Variants in GPC5 observed in about 807,000 individuals in gnomAD.
GPC5 encodes the protein glypican 5.
A neutral mutation model predicts 53.9 loss-of-function variants in GPC5; 47 were observed. That is an observed-to-expected ratio of 0.87 (90% CI 0.69 to 1.11). The LOEUF is 1.11. Among genes scored for constraint, GPC5 ranks in the 50% most tolerant of loss-of-function variants. The pLI is 0.00. For missense variants in GPC5, 748 were observed against 713.1 expected, an observed-to-expected ratio of 1.05 and a Z score of -0.56; for synonymous variants, 286 against 263.3, an observed-to-expected ratio of 1.09 and a Z score of -0.84.
intron 1 of GPC5, among the ~76,000 whole-genome samples, chr13:91,404,143 A>G (rs768491514): frequency 6.6e-6 from 1 of 152,152 alleles, no homozygotes; most frequent in Non-Finnish European, 1.5e-5. Context: ...GTGTACATGT[A>G]TGTGTGTGTG....
intron 7 of GPC5, among the ~76,000 whole-genome samples, chr13:92,714,048 G>A (rs940015752): frequency 1.3e-5 from 2 of 152,098 alleles, no homozygotes; most frequent in African/African-American, 4.8e-5. Flanking sequence ...ATTTCTTGTT[G>A]GTGAACTGAA....
intron 7 of GPC5, among the ~76,000 whole-genome samples, chr13:92,719,001 T>A (rs1399114007): frequency 6.6e-6 from 1 of 152,074 alleles, no homozygotes; most frequent in Non-Finnish European, 1.5e-5. Flanking sequence ...CTGATGTGAT[T>A]ATTATGCATT....
chr13:92,813,895 T>TA (rs1877376466), intron 7 of GPC5, among the ~76,000 whole-genome samples: 1 of 152,022 alleles, frequency 6.6e-6, no homozygotes, highest in African/African-American at 2.4e-5. Context: ...AAGCACATTC[T>TA]AAAATTAATA....
intron 6 of GPC5, among the ~76,000 whole-genome samples, chr13:91,973,881 T>A (rs2040269404): frequency 6.6e-6 from 1 of 152,154 alleles, no homozygotes; most frequent in African/African-American, 2.4e-5. Context: ...GTGTGAGGTG[T>A]CAGTCTGCCC....
At chr13:92,105,875 C>G (rs1349925605) in intron 6 of GPC5, among the ~76,000 whole-genome samples, 5 of 152,080 alleles carry the variant, frequency 3.3e-5, no homozygotes, top group African/African-American at 1.2e-4. Flanking sequence ...CTTTTTCGGG[C>G]TCTCAATGCT....
chr13:92,069,242 AC>A, intron 6 of GPC5, among the ~76,000 whole-genome samples: 1 of 152,238 alleles, frequency 6.6e-6, no homozygotes, highest in East Asian at 1.9e-4. Flanking sequence ...CTATGCTAAA[AC>A]AAACAACACT....
intron 6 of GPC5, among the ~76,000 whole-genome samples, chr13:92,042,476 C>T (rs2040949389): frequency 6.6e-6 from 1 of 151,684 alleles, no homozygotes. Flanking sequence ...TACCTGGATC[C>T]CTAAGAGGTA....
At chr13:92,559,577 ATTC>A (rs1882626726) in intron 7 of GPC5, among the ~76,000 whole-genome samples, 1 of 151,562 alleles carries the variant, frequency 6.6e-6, no homozygotes, top group Admixed American at 6.6e-5. Flanking sequence ...AACAGGCAAT[ATTC>A]TTTTGCTTGA....
At chr13:92,636,219 G>A (rs1009756632) in intron 7 of GPC5, among the ~76,000 whole-genome samples, 1 of 152,040 alleles carries the variant, frequency 6.6e-6, no homozygotes, top group African/African-American at 2.4e-5. Context: ...AAGAAATCAA[G>A]TTATAAAAAT....
chr13:91,916,262 A>G (rs189653167), intron 6 of GPC5, among the ~76,000 whole-genome samples: 1 of 152,326 alleles, frequency 6.6e-6, no homozygotes, highest in Non-Finnish European at 1.5e-5. Context: ...AATGTTAACC[A>G]TTATGACCCA....
intron 2 of GPC5, among the ~76,000 whole-genome samples, chr13:91,510,198 A>G (rs546047808): frequency 3.9e-5 from 6 of 152,320 alleles, no homozygotes; most frequent in East Asian, 1.9e-4. Context: ...TATAAATACA[A>G]TAATCATAGC....
At chr13:92,042,873 AATGACAATGTC>A (rs1393053854) in intron 6 of GPC5, among the ~76,000 whole-genome samples, 4 of 152,226 alleles carry the variant, frequency 2.6e-5, no homozygotes, top group Admixed American at 6.5e-5. Flanking sequence ...AAGGAAGTCT[AATGACAATGTC>A]TCATCAAATG....
At chr13:91,779,243 T>A (rs2037758540) in intron 5 of GPC5, among the ~76,000 whole-genome samples, 1 of 152,244 alleles carries the variant, frequency 6.6e-6, no homozygotes, top group Non-Finnish European at 1.5e-5. Flanking sequence ...CACTTTTACA[T>A]TTTTTAACTT....
chr13:92,808,473 G>A (rs116875045), intron 7 of GPC5, among the ~76,000 whole-genome samples: 1,743 of 152,150 alleles, frequency 0.011, 17 homozygotes, highest in South Asian at 0.016. Context: ...TGGTGCGGGT[G>A]CTGGTGGGGA....
intron 7 of GPC5, among the ~76,000 whole-genome samples, chr13:92,347,902 A>ATATATATATTATATATATAATATATATAT: frequency 9.1e-5 from 1 of 10,936 alleles, no homozygotes; most frequent in East Asian, 3.1e-3. Flanking sequence ...TATATATATA[A>ATATATATATTATATATATAATATATATAT]TATATATATA....
intron 2 of GPC5, among the ~76,000 whole-genome samples, chr13:91,601,136 T>C (rs2033167518): frequency 1.3e-5 from 2 of 152,250 alleles, no homozygotes; most frequent in South Asian, 2.1e-4. Context: ...GAATGAAAAA[T>C]GAAAGTCCAG....
intron 7 of GPC5, among the ~76,000 whole-genome samples, chr13:92,319,182 A>G (rs1305628614): frequency 2.6e-5 from 4 of 152,130 alleles, no homozygotes; most frequent in African/African-American, 7.2e-5. Context: ...AGTGGAAATA[A>G]TATCTGTTGT....
At chr13:91,948,453 G>C (rs112716765) in intron 6 of GPC5, among the ~76,000 whole-genome samples, 3,208 of 151,926 alleles carry the variant, frequency 0.021, 100 homozygotes, top group African/African-American at 0.073. Flanking sequence ...TTTGGGCTGG[G>C]GATACATCAA....
chr13:91,790,929 T>A (rs1029376855), intron 5 of GPC5, among the ~76,000 whole-genome samples: 1 of 152,218 alleles, frequency 6.6e-6, no homozygotes, highest in Non-Finnish European at 1.5e-5. Context: ...TTTCTCCTCA[T>A]CTTTTGGTGC....
Sources: allele counts gnomAD v4.1 joint callset (sites outside exome capture counted in the v4.1 genomes callset), GRCh38; gene constraint gnomAD v4.1.1; transcripts MANE v1.5; gene names NCBI Gene and HGNC (gene_info 2026-07-23, HGNC 2026-07-21).